GRIK2: variants seen among roughly 807,000 people sequenced by gnomAD.
The protein encoded by GRIK2 is glutamate ionotropic receptor kainate type subunit 2.
A neutral mutation model predicts 100.3 loss-of-function variants in GRIK2; 32 were observed. That is an observed-to-expected ratio of 0.32 (90% CI 0.24 to 0.43). GRIK2 has a LOEUF of 0.43. GRIK2 is among the 20% of genes least tolerant of loss of function. The pLI is 1.00. For missense variants in GRIK2, 843 were observed against 1,114.9 expected (o/e 0.76, Z 3.47); for synonymous variants, 417 against 389.4 (o/e 1.07, Z -0.83).
chr6:101,651,142 A>C (rs1227800615), intron 4 of GRIK2, among the ~76,000 whole-genome samples: 1 of 151,964 alleles, frequency 6.6e-6, no homozygotes, highest in East Asian at 1.9e-4. Flanking sequence ...AATTTTCCCC[A>C]GAATGAATAA....
intron 2 of GRIK2, among the ~76,000 whole-genome samples, chr6:101,540,906 G>C (rs1775952861): frequency 2.0e-5 from 3 of 151,964 alleles, no homozygotes; most frequent in Admixed American, 1.3e-4. Flanking sequence ...TGATATATTA[G>C]AGCCATTAAT....
chr6:101,973,766 C>G (rs1232805523), intron 14 of GRIK2, among the ~76,000 whole-genome samples: 1 of 151,750 alleles, frequency 6.6e-6, no homozygotes, highest in African/African-American at 2.4e-5. Flanking sequence ...CTTTGGAACC[C>G]TATTACCTTC....
chr6:101,586,229 T>C (rs1778354686), intron 2 of GRIK2, among the ~76,000 whole-genome samples: 1 of 151,718 alleles, frequency 6.6e-6, no homozygotes, highest in East Asian at 1.9e-4. Flanking sequence ...GAGTCTTCCA[T>C]GGAACAGAGA....
At chr6:101,453,087 A>G (rs1770799480) in intron 2 of GRIK2, among the ~76,000 whole-genome samples, 1 of 151,922 alleles carries the variant, frequency 6.6e-6, no homozygotes, top group African/African-American at 2.4e-5. Flanking sequence ...AAAGTTTTCA[A>G]AATGGAATTC....
At chr6:101,971,488 G>T (rs1337695763) in intron 14 of GRIK2, among the ~76,000 whole-genome samples, 3 of 152,000 alleles carry the variant, frequency 2.0e-5, no homozygotes, top group East Asian at 3.9e-4. Context: ...TCTGTTATGT[G>T]GGCATGTCAA....
chr6:101,966,066 C>G (rs2128484254), intron 14 of GRIK2, among the ~76,000 whole-genome samples: 1 of 152,132 alleles, frequency 6.6e-6, no homozygotes, highest in East Asian at 1.9e-4. Context: ...GTGCCAAATT[C>G]TTGATACAAA....
intron 2 of GRIK2, among the ~76,000 whole-genome samples, chr6:101,565,153 A>T (rs1777192743): frequency 6.6e-6 from 1 of 152,124 alleles, no homozygotes; most frequent in Non-Finnish European, 1.5e-5. Flanking sequence ...TCTGCACTTG[A>T]TTTACCTCAT....
chr6:102,056,286 C>G (rs1771459227), intron 16 of GRIK2, among the ~76,000 whole-genome samples: 1 of 151,742 alleles, frequency 6.6e-6, no homozygotes, highest in Non-Finnish European at 1.5e-5. Flanking sequence ...TTTGTATTAT[C>G]CTTGAAAAGT....
intron 14 of GRIK2, among the ~76,000 whole-genome samples, chr6:101,970,717 T>C (rs1369983661): frequency 2.0e-5 from 3 of 151,140 alleles, no homozygotes; most frequent in Non-Finnish European, 2.9e-5. Flanking sequence ...TCTGTAAACA[T>C]TCTTTCTGCA....
At chr6:101,676,841 T>A (rs1212366653) in intron 5 of GRIK2, 37 bp downstream of exon 5, 6 of 1,252,188 alleles carry the variant, frequency 4.8e-6, no homozygotes, top group African/African-American at 3.0e-5. Context: ...GTTTTCTTCA[T>A]AAACTTGCAC....
chr6:101,767,629 T>C (rs918323072), intron 7 of GRIK2, among the ~76,000 whole-genome samples: 2 of 152,066 alleles, frequency 1.3e-5, no homozygotes, highest in Non-Finnish European at 2.9e-5. Flanking sequence ...ATTAAAATAA[T>C]AAAAATAAAC....
At chr6:101,588,308 C>A (rs1778474197) in intron 2 of GRIK2, among the ~76,000 whole-genome samples, 1 of 151,906 alleles carries the variant, frequency 6.6e-6, no homozygotes, top group Non-Finnish European at 1.5e-5. Flanking sequence ...GCTTGAAAGC[C>A]AGAAAGAGCA....
intron 14 of GRIK2, among the ~76,000 whole-genome samples, chr6:101,939,136 C>T (rs1417169): frequency 0.034 from 5,215 of 152,044 alleles, 315 homozygotes; most frequent in African/African-American, 0.12. Context: ...TGGGAAACAG[C>T]ATTACTAATG....
intron 2 of GRIK2, among the ~76,000 whole-genome samples, chr6:101,583,589 T>C (rs1201976068): frequency 6.6e-6 from 1 of 152,116 alleles, no homozygotes; most frequent in East Asian, 1.9e-4. Flanking sequence ...TTGCTACATG[T>C]TTTCTAAGGC....
At position 101,891,024 on chromosome 6, in the gene GRIK2, AAATT is replaced by A. The variant is rs1344148743; in HGVS notation, c.1748+1164_1748+1167del. On this transcript the variant is annotated intron_variant, in intron 12 of 16. Coordinates refer to ENST00000369134, the MANE Select transcript of GRIK2 (RefSeq NM_021956.5). ...ATATATGTTTTGTGCTGTATAAACA[AAATT>A]AAATATGCAGTGCCTTTTCAATTAC... is the stretch of plus-strand genomic sequence containing the variant. Among the ~76,000 whole-genome samples the A allele has an allele frequency of 2.1e-4, 31 of 151,202 alleles. 1 individual carries two copies. The highest frequency in any genetic ancestry group is 7.2e-4 in the African/African-American group (30 of 41,466).
At chr6:101,880,650 G>C (rs997758340) in intron 11 of GRIK2, among the ~76,000 whole-genome samples, 1 of 151,830 alleles carries the variant, frequency 6.6e-6, no homozygotes, top group African/African-American at 2.4e-5. Flanking sequence ...TCTGAAATTA[G>C]GGATATTTAA....
chr6:101,616,825 T>G (rs1779915533), intron 2 of GRIK2, among the ~76,000 whole-genome samples: 2 of 151,828 alleles, frequency 1.3e-5, no homozygotes, highest in African/African-American at 4.8e-5. Flanking sequence ...TTGTTTTAAT[T>G]AACCTTTCCC....
intron 2 of GRIK2, among the ~76,000 whole-genome samples, chr6:101,516,648 A>AACT (rs1301096718): frequency 6.6e-6 from 1 of 152,092 alleles, no homozygotes; most frequent in Non-Finnish European, 1.5e-5. Context: ...TGGTACAGTA[A>AACT]TCCTTTACAG....
rs180961190 is a variant in GRIK2 at position 101,723,354 on chromosome 6, T to A, written c.951+37001T>A. On this transcript the variant is annotated intron_variant, in intron 7 of 16. Transcript: ENST00000369134. ...ATTATAGACATTGTACAACTATGAG[T>A]CATAGTGGCAAAATGACAAGTTTTC... Among the ~76,000 whole-genome samples the A allele has an allele frequency of 9.9e-5, 15 of 152,092 alleles. No homozygotes were observed. The East Asian group carries it at 1.5e-3, about 16-fold the overall frequency.
Sources: allele counts gnomAD v4.1 joint callset (sites outside exome capture counted in the v4.1 genomes callset), GRCh38; gene constraint gnomAD v4.1.1; transcripts MANE v1.5; gene names NCBI Gene and HGNC (gene_info 2026-07-23, HGNC 2026-07-21).